The following PTBP3 variants were observed in gnomAD, a reference collection of about 807,000 sequenced individuals.
The protein encoded by PTBP3 is polypyrimidine tract-binding protein 3.
In PTBP3, 20 loss-of-function variants were observed where a neutral mutation model predicts 58.7. The ratio of observed to expected loss-of-function variants is 0.34; its 90% confidence interval spans 0.24 to 0.50. The LOEUF is 0.50. PTBP3 is among the 20% of genes least tolerant of loss of function. The pLI is 0.98. For synonymous variants in PTBP3, 185 were observed against 219.8 expected (o/e 0.84, Z 1.40); for missense variants, 509 against 637.2 (o/e 0.80, Z 2.17).
At chr9:112,332,008 G>A (rs1830395726) in intron 1 of PTBP3, among the ~76,000 whole-genome samples, 1 of 152,094 alleles carries the variant, frequency 6.6e-6, no homozygotes, top group Non-Finnish European at 1.5e-5. Context: ...CAAAATATTA[G>A]TGACACAAAT....
chr9:112,262,368 T>C lies in PTBP3; in HGVS notation c.516+67A>G, dbSNP rs371393049. 484 of 1,335,310 alleles carry C rather than the reference T, an allele frequency of 3.6e-4. 1 individual carries two copies. The African/African-American group carries it at 6.4e-3, about 18-fold the overall frequency. 82.7% of individuals were successfully genotyped at this position (1,335,310 alleles called of 1,614,324 possible). A position where few individuals can be genotyped will look rare whatever the true frequency, so the allele number is the denominator to read the frequency against. ...ACCAATAAGCTAAACAACTTAGATA[T>C]AAAACATCAAAAGTTTCAGAGGCCA... is the stretch of plus-strand genomic sequence containing the variant. On this transcript the variant is annotated intron_variant, in intron 5 of 13. Transcript: ENST00000374257.
At position 112,219,613 on chromosome 9, in the gene PTBP3, A is replaced by T. The variant is rs1834734881; in HGVS notation, c.*4238T>A. The T allele has an allele frequency of 6.5e-6, 1 of 152,686 alleles. No homozygotes were observed. Among genetic ancestry groups the T allele is most frequent in the South Asian group, 2.1e-4 (1 of 4,836 alleles). 9.5% of individuals were successfully genotyped at this position (152,686 alleles called of 1,614,324 possible). ...ACAATGAATATTATGTGATAAAGGC[A>T]AAAGTGTAACTGAGACTTTATTTAT... On this transcript the variant is annotated 3_prime_UTR_variant, in exon 14 of 14. Transcript: ENST00000374257.
At chr9:112,261,082 T>C (rs1453568866) in intron 5 of PTBP3, among the ~76,000 whole-genome samples, 2 of 152,202 alleles carry the variant, frequency 1.3e-5, no homozygotes, top group Non-Finnish European at 2.9e-5. Flanking sequence ...GAACAAACAC[T>C]GCTAAAGATC....
At chr9:112,278,449 C>G (rs1827719185) in intron 2 of PTBP3, among the ~76,000 whole-genome samples, 1 of 152,126 alleles carries the variant, frequency 6.6e-6, no homozygotes, top group Non-Finnish European at 1.5e-5. Flanking sequence ...GAGAAACTTT[C>G]TAAAGGCATG....
At chr9:112,344,263 G>C in the PTBP3 span, among the ~76,000 whole-genome samples, 1 of 152,144 alleles carries the variant, frequency 6.6e-6, no homozygotes, top group Non-Finnish European at 1.5e-5. Flanking sequence ...TGAAACTCAT[G>C]TTGAAATTTG....
intron 2 of PTBP3, among the ~76,000 whole-genome samples, chr9:112,294,291 T>C (rs930370922): frequency 2.0e-5 from 3 of 152,096 alleles, no homozygotes; most frequent in Admixed American, 6.6e-5. Context: ...GGAAGGAGGA[T>C]TGATTGATTG....
downstream of PTBP3, chr9:112,218,295 T>C (rs990469346): frequency 3.9e-5 from 6 of 152,302 alleles, no homozygotes; most frequent in African/African-American, 9.6e-5. Context: ...ATTTTGAACA[T>C]TGTTTGAATA....
At chr9:112,233,300 T>C (rs1432509962) in intron 8 of PTBP3, among the ~76,000 whole-genome samples, 1 of 151,394 alleles carries the variant, frequency 6.6e-6, no homozygotes, top group East Asian at 1.9e-4. Context: ...TGTGTGTGTG[T>C]GTGTGTGTGT....
chr9:112,281,137 T>A (rs1286179549), intron 2 of PTBP3: 1 of 154,028 alleles, frequency 6.5e-6, no homozygotes, highest in African/African-American at 2.4e-5. Context: ...AAGACCCCGT[T>A]CTCTAATGAA....
intron 1 of PTBP3, among the ~76,000 whole-genome samples, chr9:112,302,744 A>G (rs1001659288): frequency 5.9e-5 from 9 of 152,036 alleles, no homozygotes; most frequent in African/African-American, 2.2e-4. Context: ...GTCCGCCCAC[A>G]ACACCCAGCT....
the PTBP3 span, among the ~76,000 whole-genome samples, chr9:112,345,000 T>G: frequency 0.37 from 55,614 of 151,192 alleles, 10,386 homozygotes; most frequent in South Asian, 0.44. Flanking sequence ...GGGTGTGGTG[T>G]CACATACCTG....
rs1215104352 is a variant in PTBP3 at position 112,228,422 on chromosome 9, T to A, written c.1105A>T (p.Asn369Tyr). The A allele has an allele frequency of 8.1e-6, 13 of 1,608,280 alleles. No homozygotes were observed. Among genetic ancestry groups the A allele is most frequent in the Non-Finnish European group, 1.1e-5 (13 of 1,178,362 alleles). The change falls in exon 11 of 14, where the codon AAT becomes TAT. Residue 369 changes from asparagine to tyrosine, a missense_variant. Around this residue, in one of 4 missense-constraint regions of PTBP3, gnomAD observed 135 missense variants for 229.0 expected, o/e 0.59. Coordinates refer to ENST00000374257, the MANE Select transcript of PTBP3 (RefSeq NM_001163788.4). ...RVKIMFNKKENALVQMADANQ... is the reference protein window; with the variant it reads ...RVKIMFNKKEYALVQMADANQ... ...GCATCCGCCATCTGAACCAAGGCATTTTCTTTCTTATTAAACATAATCTTC... is the reference window on the plus strand; with the variant it reads ...GCATCCGCCATCTGAACCAAGGCATATTCTTTCTTATTAAACATAATCTTC...
At chr9:112,340,654 G>T in the PTBP3 span, among the ~76,000 whole-genome samples, 3 of 151,884 alleles carry the variant, frequency 2.0e-5, no homozygotes, top group Non-Finnish European at 4.4e-5. Context: ...AGGCTGAGGC[G>T]GGTGGATCAC....
intron 3 of PTBP3, among the ~76,000 whole-genome samples, chr9:112,273,803 C>A (rs1169825338): frequency 6.6e-6 from 1 of 152,148 alleles, no homozygotes. Context: ...TATCACTCAA[C>A]AAGTAGATCT....
intron 10 of PTBP3, among the ~76,000 whole-genome samples, chr9:112,229,177 C>T (rs1055286947): frequency 4.6e-5 from 7 of 152,136 alleles, no homozygotes; most frequent in African/African-American, 1.4e-4. Flanking sequence ...ACAGGTTCTA[C>T]GAAGTCAATT....
Position 112,302,582 on chromosome 9 carries a change from C to CTT in PTBP3, c.-51-4668_-51-4667dup, listed in dbSNP as rs369208342. On this transcript the variant is annotated intron_variant, in intron 1 of 13. Coordinates refer to ENST00000374257, the MANE Select transcript of PTBP3 (RefSeq NM_001163788.4). ...CCCAAAAGCTGACTATATTCTTCAT[C>CTT]TTTTTTTTTTTTTTTTTTTTTTTGG... Among the ~76,000 whole-genome samples the CTT allele has an allele frequency of 9.0e-4, 99 of 110,480 alleles. 3 individuals carry two copies. The highest frequency in any genetic ancestry group is 7.2e-3 in the East Asian group (23 of 3,192). The allele number at this position is 110,480 out of a possible 152,430, so 72.5% of individuals were successfully genotyped here. A position where few individuals can be genotyped will look rare whatever the true frequency, so the allele number is the denominator to read the frequency against.
the PTBP3 span, among the ~76,000 whole-genome samples, chr9:112,371,837 G>C: frequency 6.6e-6 from 1 of 151,928 alleles, no homozygotes; most frequent in Non-Finnish European, 1.5e-5. Context: ...AAGCATAAGG[G>C]ATCCTTTTGC....
intron 1 of PTBP3, among the ~76,000 whole-genome samples, chr9:112,326,282 C>G (rs1455941488): frequency 6.6e-6 from 1 of 152,180 alleles, no homozygotes; most frequent in African/African-American, 2.4e-5. Flanking sequence ...TCCTATAGCT[C>G]AAGCACAGCA....
Position 112,222,017 on chromosome 9 carries a change from G to A in PTBP3, c.*1834C>T. The A allele has an allele frequency of 1.1e-6, 1 of 932,310 alleles. No individual in the cohort carries two copies. The highest frequency in any genetic ancestry group is 1.3e-6 in the Non-Finnish European group (1 of 781,244). 57.8% of individuals were successfully genotyped at this position (932,310 alleles called of 1,614,324 possible). On this transcript the variant is annotated 3_prime_UTR_variant, in exon 14 of 14. Transcript: ENST00000374257. ...CAGCCTTGAACTCCTGGGCTCAAGT[G>A]ATCCTCCTGCCTGTAGCCTCCTGCC... is the stretch of plus-strand genomic sequence containing the variant.
Sources: gnomAD v4.1 joint callset for allele counts (sites outside exome capture counted in the v4.1 genomes callset) on GRCh38, gnomAD v4.1.1 for gene constraint, gnomAD v4.1.1 regional missense constraint, MANE v1.5 for transcripts, NCBI Gene and HGNC (gene_info 2026-07-23, HGNC 2026-07-21) for gene names.